The following ARAP1 variants were observed in gnomAD, a reference collection of about 807,000 sequenced individuals.
ARAP1 encodes the protein ArfGAP with RhoGAP domain, ankyrin repeat and PH domain 1, also known as arf-GAP with Rho-GAP domain, ANK repeat and PH domain-containing protein 1.
Under a neutral mutation model 172.2 loss-of-function variants are expected in ARAP1, and 76 were observed. The observed-to-expected ratio is 0.44, with a 90% CI of 0.37 to 0.53. ARAP1 has a LOEUF of 0.53. Among genes scored for constraint, ARAP1 ranks in the 20% least tolerant of loss-of-function variants. ARAP1 has a pLI of 0.00. For synonymous variants in ARAP1, 804 were observed against 803.3 expected, an observed-to-expected ratio of 1.00 and a Z score of -0.01; for missense variants, 1,686 against 1,977.5, an observed-to-expected ratio of 0.85 and a Z score of 2.80.
At chr11:72,697,272 G>C in intron 21 of ARAP1, 51 bp downstream of exon 21, 1 of 1,578,278 alleles carries the variant, frequency 6.3e-7, no homozygotes, top group East Asian at 2.3e-5. Flanking sequence ...TCTGGGGCGG[G>C]AGGCGGCTCT....
intron 1 of ARAP1, among the ~76,000 whole-genome samples, chr11:72,742,019 C>T (rs1019067063): frequency 5.3e-5 from 8 of 152,060 alleles, no homozygotes; most frequent in Non-Finnish European, 1.0e-4. Context: ...ACTGCTGGCA[C>T]GTGAAAGGGG....
intron 1 of ARAP1, among the ~76,000 whole-genome samples, chr11:72,748,725 A>G (rs1858446779): frequency 6.6e-6 from 1 of 152,074 alleles, no homozygotes; most frequent in Non-Finnish European, 1.5e-5. Context: ...GCCCCCCACC[A>G]TCTTTCACAT....
rs1017075756 is a variant in ARAP1 at position 72,695,965 on chromosome 11, G to C, written c.3273-100C>G. ...CAGGTCCAAGACTGGTCTGGTCAGA[G>C]GGGACCACTGTTTAACAGGGTAGGA... is the stretch of plus-strand genomic sequence containing the variant. On this transcript the variant is annotated intron_variant, in intron 23 of 34. Transcript: ENST00000393609. This position sits in a 1 kb window ranked among gnomAD's most constrained non-coding sequence, Gnocchi z 4.4. 6.5e-6 allele frequency: 9 copies of C among 1,393,574 alleles called. No homozygotes were observed. The highest frequency in any genetic ancestry group is 8.6e-6 in the Non-Finnish European group (9 of 1,045,508). 86.3% of individuals were successfully genotyped at this position (1,393,574 alleles called of 1,614,324 possible). A position where few individuals can be genotyped will look rare whatever the true frequency, so the allele number is the denominator to read the frequency against.
Position 72,710,452 on chromosome 11 carries a change from C to G in ARAP1, c.1349G>C (p.Arg450Pro). Residue 450 changes from arginine (R) to proline (P), a missense_variant, in exon 10 of 35, where the codon CGT becomes CCT. By Grantham distance (103) the Arg-to-Pro change is moderately radical. Transcript: ENST00000393609. This position sits in a 1 kb window ranked among gnomAD's most constrained non-coding sequence, Gnocchi z 4.3. ...CACGTACAGCTTATTCTTGAAGCCA[C>G]GAAGCTCCAGGCTGCCAGCGCGGTC... ...QPDRAGSLEL[R>P]GFKNKLYVAV... is the part of the protein sequence containing the mutation. The G allele has an allele frequency of 6.2e-7, 1 of 1,614,064 alleles. No homozygotes were observed. The highest frequency in any genetic ancestry group is 8.5e-7 in the Non-Finnish European group (1 of 1,179,984).
intron 3 of ARAP1, among the ~76,000 whole-genome samples, chr11:72,716,682 G>A (rs1165313754): frequency 6.6e-6 from 1 of 152,220 alleles, no homozygotes; most frequent in Non-Finnish European, 1.5e-5. Flanking sequence ...AGCCAGGATG[G>A]CTCCCTATGA....
In ARAP1 at chr11:72,709,959, A is replaced by G. The variant is rs368746119; in HGVS notation, c.1434T>C (p.Ile478=). 1 of 1,614,052 alleles carries G rather than the reference A, an allele frequency of 6.2e-7. No individual in the cohort carries two copies. The highest frequency in any genetic ancestry group is 8.5e-7 in the Non-Finnish European group (1 of 1,179,988). The part of the protein sequence containing the change: ...YKNLEEYHLG[I]GITFIDMSVG... Reference sequence around the variant, plus strand: ...CGCTCATGTCGATGAAGGTGATGCCAATGCCCAGGTGGTACTCCTGGAGGG... The same window carrying G: ...CGCTCATGTCGATGAAGGTGATGCCGATGCCCAGGTGGTACTCCTGGAGGG... The change falls in exon 11 of 35, where the codon ATT becomes ATC. Residue 478 remains isoleucine (I), a synonymous_variant. Transcript: ENST00000393609.
chr11:72,695,895 G>A lies in ARAP1; in HGVS notation c.3273-30C>T, dbSNP rs769714640. 38 of 1,594,716 alleles carry A rather than the reference G, an allele frequency of 2.4e-5. No homozygotes were observed. Among genetic ancestry groups the A allele is most frequent in the Admixed American group, 1.5e-4 (9 of 58,652 alleles). Reference sequence around the variant, plus strand: ...AGAGGGGAGGAGGAGGGCTTTGAGTGAGGAGTCAGGCCAGAGCTTCCCATC... The same window carrying A: ...AGAGGGGAGGAGGAGGGCTTTGAGTAAGGAGTCAGGCCAGAGCTTCCCATC... On this transcript the variant is annotated intron_variant, in intron 23 of 34. Transcript: ENST00000393609. The surrounding 1 kb of genome is among the most constrained non-coding windows in gnomAD (Gnocchi z 4.4).
In ARAP1 at chr11:72,712,492, CCA is replaced by C. The variant is rs1417481365; in HGVS notation, c.822_823del (p.Asp276ArgfsTer5). ...CTCTTCCTCATCCCCTTGGTCGTCC[CCA>C]GACAGTTCCTCTCCCTCGCTCAGCA... On this transcript the variant is annotated frameshift_variant, in exon 6 of 35. Transcript: ENST00000393609. LOFTEE classifies it high-confidence loss of function. The C allele has an allele frequency of 6.2e-7, 1 of 1,613,066 alleles. No individual in the cohort carries two copies. Among genetic ancestry groups the C allele is most frequent in the Non-Finnish European group, 8.5e-7 (1 of 1,179,502 alleles).
At position 72,699,737 on chromosome 11, in the gene ARAP1, C is replaced by T. The variant is rs762248978; in HGVS notation, c.2303-185G>A. On this transcript the variant is annotated intron_variant, in intron 16 of 34. Coordinates refer to ENST00000393609, the MANE Select transcript of ARAP1 (RefSeq NM_001040118.3). The surrounding 1 kb of genome is among the most constrained non-coding windows in gnomAD (Gnocchi z 4.2). ...AGCCAGCCCACAAGTCATCCGCTCC[C>T]CCAGGCCTCTGCAGCAGCCCCTTCC... Among the ~76,000 whole-genome samples the T allele has an allele frequency of 6.6e-6, 1 of 152,226 alleles. No homozygotes were observed. The highest frequency in any genetic ancestry group is 1.5e-5 in the Non-Finnish European group (1 of 68,038).
rs996865514 is a variant in ARAP1 at position 72,733,829 on chromosome 11, G to T, written c.-127-1232C>A. On this transcript the variant is annotated intron_variant, in intron 1 of 34. Coordinates refer to ENST00000393609, the MANE Select transcript of ARAP1 (RefSeq NM_001040118.3). ...TACATTTTTTAAATATTTTATTTTAGTTTATTTATTTTGAGACAGAGTCTA... is the reference window on the plus strand; with the variant it reads ...TACATTTTTTAAATATTTTATTTTATTTTATTTATTTTGAGACAGAGTCTA... Among the ~76,000 whole-genome samples the T allele has an allele frequency of 2.6e-5, 4 of 152,074 alleles. No individual in the cohort carries two copies. In the South Asian group the frequency reaches 8.3e-4, roughly 32 times the overall value.
chr11:72,692,875 T>C, intron 29 of ARAP1, 90 bp from the exon 30 acceptor site: 6 of 1,505,588 alleles, frequency 4.0e-6, no homozygotes, highest in African/African-American at 1.4e-5. Context: ...GGGGTGTGTG[T>C]ATGGCATGTA....
At position 72,709,947 on chromosome 11, in the gene ARAP1, G is replaced by A. The variant is rs778812397; in HGVS notation, c.1446C>T (p.Phe482=). ...TCACGTTGCCCACGCTCATGTCGAT[G>A]AAGGTGATGCCAATGCCCAGGTGGT... The part of the protein sequence containing the change: ...EEYHLGIGIT[F]IDMSVGNVKE... The change falls in exon 11 of 35, where the codon TTC becomes TTT. Residue 482 remains phenylalanine, a synonymous_variant. Transcript: ENST00000393609. 1.4e-5 allele frequency: 22 copies of A among 1,614,046 alleles called. No homozygotes were observed. In the East Asian group the frequency reaches 4.9e-4, roughly 36 times the overall value.
At chr11:72,688,915 C>T (rs1236317279) in intron 30 of ARAP1, 1 of 200,074 alleles carries the variant, frequency 5.0e-6, no homozygotes, top group Non-Finnish European at 1.0e-5. Context: ...ACATCCTCCC[C>T]CAGCACCAAA....
Position 72,697,416 on chromosome 11 carries a change from C to A in ARAP1, c.2860G>T (p.Ala954Ser), listed in dbSNP as rs771892626. Residue 954 changes from alanine (A) to serine (S), a missense_variant, in exon 21 of 35, where the codon GCC (alanine) becomes TCC (serine). Ala to Ser is a moderately conservative substitution (Grantham distance 99, BLOSUM62 1). Around this residue, in one of 5 missense-constraint regions of ARAP1, gnomAD observed 274 missense variants for 262.7 expected, o/e 1.04. Coordinates refer to ENST00000393609, the MANE Select transcript of ARAP1 (RefSeq NM_001040118.3). ...GWLGAIQKAA[A>S]SMGDTLSEQQ... is the part of the protein sequence containing the mutation. ...TCCGACAGCGTGTCCCCCATGCTGG[C>A]GGCTGCTTTCTGGATGGCCCCCAGC... 1.2e-6 allele frequency: 2 copies of A among 1,611,374 alleles called. No homozygotes were observed. Among genetic ancestry groups the A allele is most frequent in the East Asian group, 4.5e-5 (2 of 44,798 alleles).
chr11:72,730,151 C>A (rs1446213024), intron 2 of ARAP1, among the ~76,000 whole-genome samples: 2 of 151,700 alleles, frequency 1.3e-5, no homozygotes, highest in Non-Finnish European at 2.9e-5. Flanking sequence ...GAAAAGCATG[C>A]AGAAATAAGA....
chr11:72,710,075 G>C lies in ARAP1; in HGVS notation c.1417-99C>G, dbSNP rs569165017. The C allele has an allele frequency of 1.7e-5, 17 of 978,852 alleles. No individual in the cohort carries two copies. Among genetic ancestry groups the C allele is most frequent in the African/African-American group, 8.1e-5 (5 of 62,068 alleles). The allele number at this position is 978,852 out of a possible 1,614,324, so 60.6% of individuals were successfully genotyped here. ...GGGAAGGTGGTGCAACTCAGGGACTGGGGGGGGTGCCCAGGAGGGAGACAG... is the reference window on the plus strand; with the variant it reads ...GGGAAGGTGGTGCAACTCAGGGACTCGGGGGGGTGCCCAGGAGGGAGACAG... On this transcript the variant is annotated intron_variant, in intron 10 of 34. Transcript: ENST00000393609. The surrounding 1 kb of genome is among the most constrained non-coding windows in gnomAD (Gnocchi z 4.3).
chr11:72,686,261 A>G, intron 33 of ARAP1, 70 bp from the exon 34 acceptor site: 1 of 1,537,772 alleles, frequency 6.5e-7, no homozygotes, highest in Non-Finnish European at 8.8e-7. Flanking sequence ...AGATCTGCCC[A>G]CCCTTCCCAG....
intron 1 of ARAP1, among the ~76,000 whole-genome samples, chr11:72,736,857 C>G (rs1858044165): frequency 6.6e-6 from 1 of 152,192 alleles, no homozygotes; most frequent in African/African-American, 2.4e-5. Flanking sequence ...GTGACTTGCT[C>G]AAGTTGTCAG....
At chr11:72,719,425 C>T (rs755290196) in intron 3 of ARAP1, among the ~76,000 whole-genome samples, 35 of 152,220 alleles carry the variant, frequency 2.3e-4, no homozygotes, top group Non-Finnish European at 4.9e-4. Flanking sequence ...TGGAGCCAGG[C>T]AGACCTGGGC....
Sources: gnomAD v4.1 joint callset for allele counts (sites outside exome capture counted in the v4.1 genomes callset) on GRCh38, gnomAD v4.1.1 for gene constraint, gnomAD v4.1.1 regional missense constraint, Gnocchi (gnomAD v3.1) non-coding constraint, MANE v1.5 for transcripts, NCBI Gene and HGNC (gene_info 2026-07-23, HGNC 2026-07-21) for gene names.